The following GRM8 variants were observed in gnomAD, a reference collection of about 807,000 sequenced individuals.
The protein encoded by GRM8 is glutamate metabotropic receptor 8.
GRM8 carries 47 observed loss-of-function variants against 87.2 expected under a neutral mutation model. The ratio of observed to expected loss-of-function variants is 0.54; its 90% CI spans 0.43 to 0.69. GRM8 has a LOEUF of 0.69. Ranked by LOEUF, GRM8 falls within the 30% of genes least tolerant of loss-of-function variation. The pLI is 0.00. For missense variants in GRM8, 1,019 were observed against 1,139.2 expected (o/e 0.89, Z 1.52); for synonymous variants, 396 against 404.5 (o/e 0.98, Z 0.25).
intron 8 of GRM8, among the ~76,000 whole-genome samples, chr7:126,564,266 AT>A (rs1412948534): frequency 6.6e-6 from 1 of 152,192 alleles, no homozygotes; most frequent in African/African-American, 2.4e-5. Flanking sequence ...AGGGCTCCTC[AT>A]CAAAGAAGAT....
intron 8 of GRM8, among the ~76,000 whole-genome samples, chr7:126,582,619 C>T (rs924115054): frequency 6.6e-6 from 1 of 152,152 alleles, no homozygotes; most frequent in South Asian, 2.1e-4. Flanking sequence ...GAAGTCAATG[C>T]CTGGCTTCAA....
intron 2 of GRM8, among the ~76,000 whole-genome samples, chr7:127,181,796 G>A (rs1446529155): frequency 6.6e-6 from 1 of 152,082 alleles, no homozygotes; most frequent in Non-Finnish European, 1.5e-5. Flanking sequence ...GCCACATGGA[G>A]GAGAATGAAA....
chr7:127,090,073 C>A (rs1823900785), intron 3 of GRM8, among the ~76,000 whole-genome samples: 1 of 152,158 alleles, frequency 6.6e-6, no homozygotes, highest in African/African-American at 2.4e-5. Context: ...CCACTTGTGC[C>A]AATACCAACT....
intron 6 of GRM8, among the ~76,000 whole-genome samples, chr7:126,794,101 C>G (rs1585962561): frequency 6.6e-6 from 1 of 151,362 alleles, no homozygotes; most frequent in Middle Eastern, 3.4e-3. Context: ...TCAGAAATCA[C>G]AAAAACAAAG....
chr7:126,830,754 G>A (rs1413815763), intron 6 of GRM8, among the ~76,000 whole-genome samples: 3 of 152,332 alleles, frequency 2.0e-5, no homozygotes, highest in African/African-American at 4.8e-5. Context: ...GAGGAACTGC[G>A]TTCCTTTGGA....
At chr7:126,662,977 G>A (rs558747770) in intron 7 of GRM8, among the ~76,000 whole-genome samples, 1 of 152,302 alleles carries the variant, frequency 6.6e-6, no homozygotes, top group African/African-American at 2.4e-5. Flanking sequence ...TTCTCACTCT[G>A]AAGGAATTAG....
rs560324777 is a variant in GRM8, at chr7:126,763,832, A to G, written c.1357+6033T>C. Among the ~76,000 whole-genome samples, 4 of 152,114 alleles carry G rather than the reference A, an allele frequency of 2.6e-5. No individual in the cohort carries two copies. In the South Asian group the frequency reaches 8.3e-4, roughly 32 times the overall value. On this transcript the variant is annotated intron_variant, in intron 7 of 10. Transcript: ENST00000339582. ...GGAATTATAACATGCCTGAATACAGATTTATTCAGAAAGAATTAATGTTTT... is the reference window on the plus strand; with the variant it reads ...GGAATTATAACATGCCTGAATACAGGTTTATTCAGAAAGAATTAATGTTTT...
intron 8 of GRM8, among the ~76,000 whole-genome samples, chr7:126,539,265 C>T (rs1181492655): frequency 6.6e-6 from 1 of 151,202 alleles, no homozygotes; most frequent in African/African-American, 2.4e-5. Context: ...AACTACAAAA[C>T]ATCATTGAAA....
chr7:127,163,028 G>A lies in GRM8; in HGVS notation c.511-56316C>T, dbSNP rs536300408. Among the ~76,000 whole-genome samples, 3 of 152,226 alleles carry A rather than the reference G, an allele frequency of 2.0e-5. No individual in the cohort carries two copies. In the East Asian group the frequency reaches 5.8e-4, roughly 29 times the overall value. ...AGATCCGGGGTCTGGGGTACAGTGTGGTAAATGCAAGCCTGAAAAGATATC... is the reference window on the plus strand; with the variant it reads ...AGATCCGGGGTCTGGGGTACAGTGTAGTAAATGCAAGCCTGAAAAGATATC... On this transcript the variant is annotated intron_variant, in intron 2 of 10. Transcript: ENST00000339582.
chr7:126,836,000 C>T (rs1319701523), intron 6 of GRM8, among the ~76,000 whole-genome samples: 2 of 152,158 alleles, frequency 1.3e-5, no homozygotes, highest in African/African-American at 4.8e-5. Flanking sequence ...TCAAGGGTAT[C>T]ATCCCATATT....
intron 9 of GRM8, among the ~76,000 whole-genome samples, chr7:126,491,814 A>G (rs2299446): frequency 0.32 from 49,038 of 151,978 alleles, 8,308 homozygotes; most frequent in East Asian, 0.42. Flanking sequence ...TGTGGAAAGG[A>G]TCTCACTGTT....
At chr7:126,516,519 A>G (rs1812186469) in intron 9 of GRM8, among the ~76,000 whole-genome samples, 1 of 152,116 alleles carries the variant, frequency 6.6e-6, no homozygotes, top group Admixed American at 6.6e-5. Context: ...TTTGGCCAAC[A>G]GAAATCAGAA....
At chr7:126,766,078 C>T (rs1179850112) in intron 7 of GRM8, among the ~76,000 whole-genome samples, 1 of 152,060 alleles carries the variant, frequency 6.6e-6, no homozygotes, top group Non-Finnish European at 1.5e-5. Flanking sequence ...TCATTTATCA[C>T]TCTAAATTCT....
At chr7:126,789,645 T>C (rs1051610938) in intron 6 of GRM8, among the ~76,000 whole-genome samples, 9 of 152,186 alleles carry the variant, frequency 5.9e-5, no homozygotes, top group Non-Finnish European at 1.2e-4. Context: ...TATTTGCCAG[T>C]GACAAATAAC....
At chr7:126,646,262 A>AGAAGGAAGGAAG (rs201279417) in intron 7 of GRM8, among the ~76,000 whole-genome samples, 4,944 of 137,834 alleles carry the variant, frequency 0.036, 199 homozygotes, top group African/African-American at 0.076. Flanking sequence ...AAGGAGGGAA[A>AGAAGGAAGGAAG]GAAGGAAGGA....
chr7:127,046,214 A>AT (rs1818906344), intron 3 of GRM8, among the ~76,000 whole-genome samples: 3 of 152,024 alleles, frequency 2.0e-5, no homozygotes, highest in Non-Finnish European at 4.4e-5. Context: ...TACTAAAAAT[A>AT]CAAAAAAATT....
intron 8 of GRM8, among the ~76,000 whole-genome samples, chr7:126,546,165 G>GT (rs1403529768): frequency 6.6e-6 from 1 of 152,186 alleles, no homozygotes; most frequent in Non-Finnish European, 1.5e-5. Flanking sequence ...GACATACTAT[G>GT]TGTCAGATTG....
intron 8 of GRM8, among the ~76,000 whole-genome samples, chr7:126,582,996 T>C (rs1935468809): frequency 6.6e-6 from 1 of 152,196 alleles, no homozygotes; most frequent in African/African-American, 2.4e-5. Flanking sequence ...TGCCTGAATA[T>C]ACAACATCCA....
intron 2 of GRM8, among the ~76,000 whole-genome samples, chr7:127,154,316 T>C (rs1031074731): frequency 6.6e-6 from 1 of 152,158 alleles, no homozygotes; most frequent in Non-Finnish European, 1.5e-5. Flanking sequence ...CTTCCATTCC[T>C]GCACCTTATG....
Sources: gnomAD v4.1 joint callset for allele counts (sites outside exome capture counted in the v4.1 genomes callset) on GRCh38, gnomAD v4.1.1 for gene constraint, MANE v1.5 for transcripts, NCBI Gene and HGNC (gene_info 2026-07-23, HGNC 2026-07-21) for gene names.